The following SLC7A1 variants were observed in gnomAD, a reference collection of about 807,000 sequenced individuals.
The protein encoded by SLC7A1 is high affinity cationic amino acid transporter 1.
In SLC7A1, 10 loss-of-function variants were observed where a neutral mutation model predicts 53.9. The ratio of observed to expected loss-of-function variants is 0.19; its 90% CI spans 0.11 to 0.31. The LOEUF (loss-of-function observed/expected upper bound fraction) is 0.31, where lower values mean the gene tolerates loss of function less well. SLC7A1 is among the 10% of genes least tolerant of loss of function. SLC7A1 has a pLI of 1.00. For synonymous variants in SLC7A1, 342 were observed against 338.7 expected (o/e 1.01, Z -0.11); for missense variants, 525 against 827.2 (o/e 0.63, Z 4.48).
intron 3 of SLC7A1, among the ~76,000 whole-genome samples, chr13:29,535,494 T>G (rs1203838225): frequency 6.6e-6 from 1 of 152,182 alleles, no homozygotes; most frequent in Non-Finnish European, 1.5e-5. Flanking sequence ...CCAGAGCAGG[T>G]ACTCAATGAA....
At chr13:29,563,160 T>C (rs1870832495) in intron 1 of SLC7A1, among the ~76,000 whole-genome samples, 1 of 152,176 alleles carries the variant, frequency 6.6e-6, no homozygotes, top group Admixed American at 6.5e-5. Flanking sequence ...CTGAAGGACA[T>C]CTGACAATGT....
intron 8 of SLC7A1, 129 bp downstream of exon 8, chr13:29,522,188 G>T: frequency 1.1e-6 from 1 of 950,892 alleles, no homozygotes; most frequent in Non-Finnish European, 1.6e-6. Flanking sequence ...CAGGCTCCAA[G>T]TATAAAAACC....
chr13:29,543,358 A>G (rs1037606772), intron 2 of SLC7A1, among the ~76,000 whole-genome samples: 2 of 152,244 alleles, frequency 1.3e-5, no homozygotes, highest in African/African-American at 4.8e-5. Flanking sequence ...GCTGCAGGCA[A>G]TGTGACTGCT....
At chr13:29,540,477 G>A (rs1869613870) in intron 2 of SLC7A1, among the ~76,000 whole-genome samples, 1 of 152,176 alleles carries the variant, frequency 6.6e-6, no homozygotes, top group African/African-American at 2.4e-5. Context: ...CAGAATTTGA[G>A]ATAAAGACTC....
At chr13:29,576,454 A>G (rs1871418942) in intron 1 of SLC7A1, among the ~76,000 whole-genome samples, 1 of 152,286 alleles carries the variant, frequency 6.6e-6, no homozygotes, top group African/African-American at 2.4e-5. Context: ...AGTTACTTGC[A>G]TTGTATCACT....
rs530119090 is a variant in SLC7A1, at chr13:29,539,760, G to A, written c.-14-3558C>T. 4.6e-5 allele frequency among the ~76,000 whole-genome samples: 7 copies of A among 152,260 alleles called. No homozygotes were observed. The East Asian group carries it at 1.4e-3, about 29-fold the overall frequency. On this transcript the variant is annotated intron_variant, in intron 2 of 12. Transcript: ENST00000380752. ...CCTACAGGAGATTACTTTTACCTTG[G>A]TTACTTCTTAAGTATTGCTTGCTAT...
rs965533826 is a variant in SLC7A1, at chr13:29,523,304, G to A, written c.1011C>T (p.Tyr337=). ...FKHVGWEGAK[Y]AVAVGSLCAL... ...CGCAGAGGGAGCCCACGGCCACTGC[G>A]TACTTGGCACCTTCCCAGCCCACGT... The change falls in exon 7 of 13, where the codon TAC becomes TAT. Residue 337 remains tyrosine (Y), a synonymous_variant. Coordinates refer to ENST00000380752, the MANE Select transcript of SLC7A1 (RefSeq NM_003045.5). The A allele has an allele frequency of 2.0e-5, 33 of 1,613,712 alleles. No individual in the cohort carries two copies. The highest frequency in any genetic ancestry group is 4.0e-5 in the African/African-American group (3 of 75,018).
intron 9 of SLC7A1, 144 bp from the exon 10 acceptor site, chr13:29,517,934 T>C: frequency 3.0e-6 from 2 of 662,338 alleles, no homozygotes; most frequent in Middle Eastern, 4.1e-4. Flanking sequence ...TGCTGCATTG[T>C]AGATAGACGA....
chr13:29,555,086 C>T (rs974669134), intron 1 of SLC7A1, among the ~76,000 whole-genome samples: 2 of 151,964 alleles, frequency 1.3e-5, no homozygotes, highest in Admixed American at 6.6e-5. Context: ...GGGCCGGGCG[C>T]GGTGGCTCAC....
intron 2 of SLC7A1, among the ~76,000 whole-genome samples, chr13:29,541,166 C>G (rs1042336796): frequency 3.3e-5 from 5 of 152,112 alleles, no homozygotes; most frequent in Admixed American, 2.6e-4. Flanking sequence ...CCACTTCCCC[C>G]CAGATGTTAG....
intron 1 of SLC7A1, among the ~76,000 whole-genome samples, chr13:29,555,081 G>T (rs1213064253): frequency 6.6e-6 from 1 of 152,032 alleles, no homozygotes; most frequent in Non-Finnish European, 1.5e-5. Context: ...ATTGTGGGCC[G>T]GGCGCGGTGG....
At chr13:29,590,751 A>G (rs1351279480) in intron 1 of SLC7A1, among the ~76,000 whole-genome samples, 1 of 152,174 alleles carries the variant, frequency 6.6e-6, no homozygotes, top group African/African-American at 2.4e-5. Flanking sequence ...CCAAGGAAAG[A>G]GCACAACATT....
intron 1 of SLC7A1, among the ~76,000 whole-genome samples, chr13:29,565,461 C>A (rs1870929845): frequency 6.6e-6 from 1 of 152,276 alleles, no homozygotes; most frequent in Non-Finnish European, 1.5e-5. Flanking sequence ...CATTGGCCTC[C>A]CAAGAGGTGG....
intron 2 of SLC7A1, among the ~76,000 whole-genome samples, chr13:29,546,716 T>C (rs1869937589): frequency 6.6e-6 from 1 of 152,154 alleles, no homozygotes; most frequent in Non-Finnish European, 1.5e-5. Flanking sequence ...GCAACTTTTT[T>C]TTGTGAAAAA....
At chr13:29,569,808 G>A (rs1054055358) in intron 1 of SLC7A1, among the ~76,000 whole-genome samples, 2 of 152,144 alleles carry the variant, frequency 1.3e-5, no homozygotes, top group African/African-American at 2.4e-5. Flanking sequence ...TCATAAATGA[G>A]AACACTGAAC....
At chr13:29,519,943 C>T (rs1374622529) in intron 8 of SLC7A1, among the ~76,000 whole-genome samples, 1 of 152,092 alleles carries the variant, frequency 6.6e-6, no homozygotes, top group East Asian at 1.9e-4. Context: ...GACTCTGAGT[C>T]CTGTGTGTCT....
In SLC7A1 at chr13:29,524,049, C is replaced by T. The variant is rs1868764110; in HGVS notation, c.826+83G>A. ...GTGAAAGAGCGGCGACTGGACCGTG[C>T]CAGCAAGGAGGGAAATGGCAAGCAT... is the stretch of plus-strand genomic sequence containing the variant. On this transcript the variant is annotated intron_variant, in intron 6 of 12. Transcript: ENST00000380752. The T allele has an allele frequency of 3.0e-5, 42 of 1,416,796 alleles. No homozygotes were observed. The South Asian group carries it at 4.0e-4, about 13-fold the overall frequency. 87.8% of individuals were successfully genotyped at this position (1,416,796 alleles called of 1,614,324 possible). A position where few individuals can be genotyped will look rare whatever the true frequency, so the allele number is the denominator to read the frequency against.
At chr13:29,529,381 A>G (rs568227767) in intron 5 of SLC7A1, among the ~76,000 whole-genome samples, 1 of 152,206 alleles carries the variant, frequency 6.6e-6, no homozygotes, top group Non-Finnish European at 1.5e-5. Context: ...AAGATTCCCA[A>G]TGTGAGATAG....
At chr13:29,585,402 A>G (rs1452980864) in intron 1 of SLC7A1, among the ~76,000 whole-genome samples, 1 of 152,234 alleles carries the variant, frequency 6.6e-6, no homozygotes, top group Non-Finnish European at 1.5e-5. Context: ...TTGTAATGAA[A>G]TAGAAAAGAA....
Sources: gnomAD v4.1 joint callset for allele counts (sites outside exome capture counted in the v4.1 genomes callset) on GRCh38, gnomAD v4.1.1 for gene constraint, MANE v1.5 for transcripts, NCBI Gene and HGNC (gene_info 2026-07-23, HGNC 2026-07-21) for gene names.